The following RHOT1 variants were observed in gnomAD, a reference collection of about 807,000 sequenced individuals.
RHOT1 encodes the protein ras homolog family member T1.
Under a neutral mutation model 95.3 loss-of-function variants are expected in RHOT1, and 27 were observed. The observed-to-expected ratio is 0.28, with a 90% CI of 0.21 to 0.39. The LOEUF (loss-of-function observed/expected upper bound fraction) is 0.39, where lower values mean the gene tolerates loss of function less well. Ranked by LOEUF, RHOT1 falls within the 10% of genes least tolerant of loss-of-function variation. The probability of loss-of-function intolerance (pLI) is 1.00; values close to 1 mark genes in which losing one functional copy is unlikely to be tolerated. For missense variants in RHOT1, 578 were observed against 786.7 expected, an observed-to-expected ratio of 0.73 and a Z score of 3.17; for synonymous variants, 227 against 263.5, an observed-to-expected ratio of 0.86 and a Z score of 1.34.
intron 13 of RHOT1, among the ~76,000 whole-genome samples, chr17:32,200,373 T>G (rs566215501): frequency 7.9e-5 from 12 of 152,222 alleles, no homozygotes; most frequent in African/African-American, 2.6e-4. Flanking sequence ...TCACCGCTTA[T>G]GTTTGTAAGC....
chr17:32,179,204 C>A lies in RHOT1; in HGVS notation c.329+2991C>A, dbSNP rs181189563. Reference sequence around the variant, plus strand: ...GCCACCCCGTCTGGGAAGTGGGGAGCACCTCTACCTGGCCGCCCCGTCTGG... The same window carrying A: ...GCCACCCCGTCTGGGAAGTGGGGAGAACCTCTACCTGGCCGCCCCGTCTGG... On this transcript the variant is annotated intron_variant, in intron 6 of 19. Coordinates refer to ENST00000545287, the MANE Select transcript of RHOT1 (RefSeq NM_001033566.3). 2.6e-3 allele frequency: 394 copies of A among 150,134 alleles called. 3 individuals are homozygous for A. The highest frequency in any genetic ancestry group is 9.7e-3 in the African/African-American group (378 of 38,960). The allele number at this position is 150,134 out of a possible 1,614,324, so 9.3% of individuals were successfully genotyped here.
chr17:32,209,554 C>T (rs1199312223), intron 18 of RHOT1: 6 of 644,626 alleles, frequency 9.3e-6, no homozygotes, highest in East Asian at 2.9e-5. Flanking sequence ...TATGTAGAAA[C>T]GCACTGCTTG....
chr17:32,222,746 A>G, intron 19 of RHOT1: 1 of 409,572 alleles, frequency 2.4e-6, no homozygotes, highest in Non-Finnish European at 3.3e-6. Context: ...AACTGTGTGC[A>G]TGTGTATAAA....
intron 6 of RHOT1, among the ~76,000 whole-genome samples, chr17:32,176,625 T>C (rs777031911): frequency 6.6e-6 from 1 of 151,786 alleles, no homozygotes; most frequent in Non-Finnish European, 1.5e-5. Flanking sequence ...CAGGCTGGAG[T>C]ATAGGAGCAC....
chr17:32,179,283 C>G (rs1208832893), intron 6 of RHOT1: 2 of 152,732 alleles, frequency 1.3e-5, no homozygotes, highest in South Asian at 2.1e-4. Flanking sequence ...AGGAGCGCCT[C>G]TGCCCAGCTG....
chr17:32,200,672 G>A (rs969238704), intron 13 of RHOT1, among the ~76,000 whole-genome samples: 3 of 151,956 alleles, frequency 2.0e-5, no homozygotes, highest in South Asian at 2.1e-4. Context: ...TACTTGGGGA[G>A]CTGATGCAGG....
chr17:32,152,935 C>G (rs2032499282), intron 1 of RHOT1, among the ~76,000 whole-genome samples: 1 of 152,054 alleles, frequency 6.6e-6, no homozygotes, highest in African/African-American at 2.4e-5. Flanking sequence ...TTCCGAATAC[C>G]TGCATATAGG....
chr17:32,220,724 T>C (rs1427521766), intron 19 of RHOT1, among the ~76,000 whole-genome samples: 1 of 148,890 alleles, frequency 6.7e-6, no homozygotes, highest in Non-Finnish European at 1.5e-5. Context: ...TAATCCCAGC[T>C]ACTCGGGAGA....
At chr17:32,224,360 G>A (rs1275437975) in intron 19 of RHOT1, among the ~76,000 whole-genome samples, 2 of 152,092 alleles carry the variant, frequency 1.3e-5, no homozygotes, top group African/African-American at 4.8e-5. Context: ...GTGAAAAAAA[G>A]TTTACAAATT....
chr17:32,191,888 G>T (rs1388660640), intron 8 of RHOT1, among the ~76,000 whole-genome samples: 7 of 152,142 alleles, frequency 4.6e-5, no homozygotes, highest in African/African-American at 1.7e-4. Context: ...AATGAGGGAA[G>T]ATATAAATAA....
chr17:32,196,682 C>T (rs1388356368), intron 11 of RHOT1, among the ~76,000 whole-genome samples: 1 of 152,160 alleles, frequency 6.6e-6, no homozygotes, highest in African/African-American at 2.4e-5. Flanking sequence ...CTAATTAATG[C>T]CTCTCATCCT....
chr17:32,195,657 A>G (rs1406028301), intron 11 of RHOT1, among the ~76,000 whole-genome samples: 9 of 152,148 alleles, frequency 5.9e-5, no homozygotes, highest in Non-Finnish European at 8.8e-5. Context: ...TCAGCTGTCT[A>G]TGTAATGGTT....
chr17:32,148,688 A>T (rs1284245768), intron 1 of RHOT1, among the ~76,000 whole-genome samples: 18 of 152,230 alleles, frequency 1.2e-4, no homozygotes, highest in Admixed American at 1.2e-3. Context: ...TAATTTCAAT[A>T]ACTTAGGAAG....
chr17:32,207,231 G>A (rs1026511016), intron 17 of RHOT1: 5 of 464,644 alleles, frequency 1.1e-5, no homozygotes, highest in Middle Eastern at 1.1e-3. Flanking sequence ...GAAAGTTTTC[G>A]ACATGTGATT....
intron 1 of RHOT1, among the ~76,000 whole-genome samples, chr17:32,163,877 C>T (rs545473523): frequency 6.6e-6 from 1 of 152,036 alleles, no homozygotes; most frequent in East Asian, 2.0e-4. Context: ...TGCCTGGTGG[C>T]CAGGCGTGGT....
chr17:32,179,340 C>T (rs1598369094), intron 6 of RHOT1: 3 of 149,122 alleles, frequency 2.0e-5, no homozygotes, highest in South Asian at 2.2e-4. Context: ...GCTGCCCCAT[C>T]TGGGAAGTGG....
At chr17:32,216,374 G>C (rs771196125) in intron 19 of RHOT1, among the ~76,000 whole-genome samples, 2 of 151,888 alleles carry the variant, frequency 1.3e-5, no homozygotes, top group Non-Finnish European at 2.9e-5. Context: ...GATTTCCTTT[G>C]TGCATATTTT....
intron 1 of RHOT1, among the ~76,000 whole-genome samples, chr17:32,146,372 CT>C (rs1305950452): frequency 6.6e-6 from 1 of 152,094 alleles, no homozygotes; most frequent in East Asian, 1.9e-4. Flanking sequence ...TTTGTTTAGA[CT>C]TTCCTTGTTT....
intron 19 of RHOT1, among the ~76,000 whole-genome samples, chr17:32,219,870 T>C (rs952335582): frequency 2.0e-5 from 3 of 152,232 alleles, no homozygotes; most frequent in Admixed American, 2.0e-4. Context: ...AAAGAGATAC[T>C]GCTTAACTAA....
Sources: gnomAD v4.1 joint callset for allele counts (sites outside exome capture counted in the v4.1 genomes callset) on GRCh38, gnomAD v4.1.1 for gene constraint, MANE v1.5 for transcripts, NCBI Gene and HGNC (gene_info 2026-07-23, HGNC 2026-07-21) for gene names.